Variants in ZNF407 observed in about 807,000 individuals in gnomAD.
The protein encoded by ZNF407 is zinc finger protein 407.
Under a neutral mutation model 131.2 loss-of-function variants are expected in ZNF407, and 17 were observed. That is an observed-to-expected ratio of 0.13 (90% CI 0.09 to 0.19). The LOEUF is 0.19. Among genes scored for constraint, ZNF407 ranks in the 10% least tolerant of loss-of-function variants. The pLI, the probability that ZNF407 is intolerant of heterozygous loss-of-function variation, is 1.00. For missense variants in ZNF407, 2,681 were observed against 2,830.6 expected (o/e 0.95, Z 1.20); for synonymous variants, 1,156 against 1,062.0 (o/e 1.09, Z -1.72).
intron 1 of ZNF407, among the ~76,000 whole-genome samples, chr18:74,608,884 C>G (rs1032319891): frequency 2.6e-5 from 4 of 152,070 alleles, no homozygotes; most frequent in African/African-American, 7.2e-5. Flanking sequence ...GAACTTTGAT[C>G]TCTTGGTTGA....
At chr18:75,020,823 C>T (rs1320322362) in intron 8 of ZNF407, among the ~76,000 whole-genome samples, 1 of 152,146 alleles carries the variant, frequency 6.6e-6, no homozygotes, top group Non-Finnish European at 1.5e-5. Context: ...AGACTCCTTC[C>T]TAATCTAATC....
At chr18:74,621,519 T>C (rs1983509768) in intron 1 of ZNF407, among the ~76,000 whole-genome samples, 1 of 151,600 alleles carries the variant, frequency 6.6e-6, no homozygotes, top group Non-Finnish European at 1.5e-5. Context: ...AGCCCCCAGC[T>C]CCTCACTGGC....
At chr18:74,825,707 T>C (rs1394804097) in intron 4 of ZNF407, among the ~76,000 whole-genome samples, 2 of 152,198 alleles carry the variant, frequency 1.3e-5, no homozygotes, top group African/African-American at 4.8e-5. Context: ...GTTTTGCCTT[T>C]CTATATTTTA....
chr18:75,025,075 G>A (rs183757671), intron 8 of ZNF407, among the ~76,000 whole-genome samples: 5 of 152,262 alleles, frequency 3.3e-5, no homozygotes, highest in Non-Finnish European at 5.9e-5. Flanking sequence ...AACAGCCGTC[G>A]CGCAAAATGC....
intron 8 of ZNF407, among the ~76,000 whole-genome samples, chr18:74,928,553 T>A (rs1426183344): frequency 6.6e-6 from 1 of 152,242 alleles, no homozygotes; most frequent in Non-Finnish European, 1.5e-5. Flanking sequence ...CCAGGGCCAT[T>A]TCAAAGTATG....
intron 8 of ZNF407, among the ~76,000 whole-genome samples, chr18:74,921,333 C>T (rs892932925): frequency 5.3e-5 from 8 of 152,108 alleles, no homozygotes; most frequent in Non-Finnish European, 1.2e-4. Flanking sequence ...TCCTCCAGCC[C>T]GACATTTTGT....
intron 3 of ZNF407, among the ~76,000 whole-genome samples, chr18:74,702,919 A>AC (rs1367295964): frequency 2.6e-5 from 4 of 152,226 alleles, no homozygotes; most frequent in Admixed American, 6.5e-5. Context: ...CAAGAACAAG[A>AC]CCAAGTGGAA....
intron 8 of ZNF407, among the ~76,000 whole-genome samples, chr18:75,028,206 A>G (rs1407261448): frequency 6.6e-6 from 1 of 152,196 alleles, no homozygotes; most frequent in Non-Finnish European, 1.5e-5. Context: ...ACAAAGCACC[A>G]TGGGCTGGGC....
rs114860441 is a variant in ZNF407 at position 75,056,863 on chromosome 18, T to C, written c.5429-6287T>C. On this transcript the variant is annotated intron_variant, in intron 8 of 8. Transcript: ENST00000299687. ...TTCCTGCTTTCACTTGAGAAACTTA[T>C]AAGCTTTTGTGACATTAAAATATGG... Among the ~76,000 whole-genome samples the C allele has an allele frequency of 3.5e-3, 535 of 152,352 alleles. 3 individuals carry two copies. Among genetic ancestry groups the C allele is most frequent in the African/African-American group, 0.011 (463 of 41,576 alleles).
At chr18:75,058,830 G>A (rs1297645730) in intron 8 of ZNF407, among the ~76,000 whole-genome samples, 1 of 152,174 alleles carries the variant, frequency 6.6e-6, no homozygotes, top group African/African-American at 2.4e-5. Context: ...ATTCACATTC[G>A]TTTAAATGAC....
At position 74,805,922 on chromosome 18, in the gene ZNF407, C is replaced by T. The variant is rs538048643; in HGVS notation, c.4877+24420C>T. Among the ~76,000 whole-genome samples the T allele has an allele frequency of 3.9e-5, 6 of 152,258 alleles. No individual in the cohort carries two copies. In the East Asian group the frequency reaches 1.2e-3, roughly 29 times the overall value. On this transcript the variant is annotated intron_variant, in intron 4 of 8. Transcript: ENST00000299687. Reference sequence around the variant, plus strand: ...ACTTCTCGACTCGTCCTCTTTCATTCTTTGTTTAATGGAAGAGCTTATGGA... The same window carrying T: ...ACTTCTCGACTCGTCCTCTTTCATTTTTTGTTTAATGGAAGAGCTTATGGA...
At chr18:74,871,553 C>T (rs946631128) in intron 4 of ZNF407, among the ~76,000 whole-genome samples, 1 of 151,896 alleles carries the variant, frequency 6.6e-6, no homozygotes, top group Non-Finnish European at 1.5e-5. Context: ...AATTTTTAGT[C>T]AATCAACACA....
intron 3 of ZNF407, among the ~76,000 whole-genome samples, chr18:74,750,905 G>A (rs1008061804): frequency 4.6e-5 from 7 of 152,056 alleles, no homozygotes; most frequent in Non-Finnish European, 1.0e-4. Flanking sequence ...TATCATTGAC[G>A]TTTTGATTTC....
rs754384677 is a variant in ZNF407 at position 74,631,352 on chromosome 18, A to C, written c.333A>C (p.Thr111=). ...AAGGGGGTATTGCATTAGATGAAACAGGGAAGGAGACCTTTCTGAGTGACT... is the reference window on the plus strand; with the variant it reads ...AAGGGGGTATTGCATTAGATGAAACCGGGAAGGAGACCTTTCTGAGTGACT... ...VTEGGIALDE[T]GKETFLSDCT... is the part of the protein sequence containing the mutation. Residue 111 remains threonine, a synonymous_variant, in exon 2 of 9, where the codon ACA becomes ACC. Coordinates refer to ENST00000299687, the MANE Select transcript of ZNF407 (RefSeq NM_017757.3). 9.3e-6 allele frequency: 15 copies of C among 1,614,058 alleles called. No homozygotes were observed. The highest frequency in any genetic ancestry group is 1.3e-5 in the Non-Finnish European group (15 of 1,179,908).
intron 4 of ZNF407, among the ~76,000 whole-genome samples, chr18:74,860,903 T>C (rs1430495800): frequency 6.6e-6 from 1 of 152,208 alleles, no homozygotes; most frequent in Non-Finnish European, 1.5e-5. Flanking sequence ...TGTGATTGTG[T>C]TTCATATTTT....
At chr18:74,878,153 T>G (rs1183144496) in intron 5 of ZNF407, among the ~76,000 whole-genome samples, 1 of 152,134 alleles carries the variant, frequency 6.6e-6, no homozygotes, top group African/African-American at 2.4e-5. Flanking sequence ...AGTCTAAGTC[T>G]AGTGGGCCCA....
intron 8 of ZNF407, among the ~76,000 whole-genome samples, chr18:74,963,985 G>A (rs1267966349): frequency 6.6e-6 from 1 of 152,208 alleles, no homozygotes; most frequent in Admixed American, 6.5e-5. Flanking sequence ...GACCTTGAGT[G>A]AATAGAAATA....
chr18:74,697,532 C>T (rs888080492), intron 3 of ZNF407, among the ~76,000 whole-genome samples: 3 of 151,920 alleles, frequency 2.0e-5, no homozygotes, highest in Non-Finnish European at 2.9e-5. Flanking sequence ...CATGGCTGTT[C>T]GTTTTATAGA....
In ZNF407 at chr18:74,631,438, T is replaced by C. The variant is rs761314910; in HGVS notation, c.419T>C (p.Ile140Thr). The change falls in exon 2 of 9, where the codon ATT becomes ACT. Residue 140 changes from isoleucine to threonine, a missense_variant. Transcript: ENST00000299687. ...TCCCCTTCTTGCAATTTTAGCACTA[T>C]TGATGTTGTTTCTCTGAAAACAGAC... ...ALSPSCNFSTIDVVSLKTDTE... is the reference protein window; with the variant it reads ...ALSPSCNFSTTDVVSLKTDTE... The C allele has an allele frequency of 1.2e-6, 2 of 1,614,028 alleles. No homozygotes were observed. Among genetic ancestry groups the C allele is most frequent in the South Asian group, 2.2e-5 (2 of 91,086 alleles).
Sources: gnomAD v4.1 joint callset for allele counts (sites outside exome capture counted in the v4.1 genomes callset) on GRCh38, gnomAD v4.1.1 for gene constraint, MANE v1.5 for transcripts, NCBI Gene and HGNC (gene_info 2026-07-23, HGNC 2026-07-21) for gene names.